PPFIA2: variants seen among roughly 807,000 people sequenced by gnomAD.
The protein encoded by PPFIA2 is liprin-alpha-2.
Under a neutral mutation model 175.5 loss-of-function variants are expected in PPFIA2, and 46 were observed. The ratio of observed to expected loss-of-function variants is 0.26; its 90% CI spans 0.21 to 0.34. The LOEUF is 0.34. Ranked by LOEUF, PPFIA2 falls within the 10% of genes least tolerant of loss-of-function variation. The pLI is 1.00. For missense variants in PPFIA2, 1,179 were observed against 1,506.1 expected, an observed-to-expected ratio of 0.78 and a Z score of 3.60; for synonymous variants, 568 against 511.4, an observed-to-expected ratio of 1.11 and a Z score of -1.49.
At chr12:81,338,452 C>A (rs1009306640) in intron 21 of PPFIA2, among the ~76,000 whole-genome samples, 9 of 151,734 alleles carry the variant, frequency 5.9e-5, no homozygotes, top group Admixed American at 5.3e-4. Context: ...TAAGTAGTAC[C>A]ATTTCAAATG....
chr12:81,706,715 G>C (rs1476617219), intron 3 of PPFIA2, among the ~76,000 whole-genome samples: 1 of 152,134 alleles, frequency 6.6e-6, no homozygotes, highest in Non-Finnish European at 1.5e-5. Flanking sequence ...AGCCCGCATA[G>C]CCAAGACAAT....
At chr12:81,437,769 A>G (rs1217297115) in intron 7 of PPFIA2, among the ~76,000 whole-genome samples, 3 of 152,122 alleles carry the variant, frequency 2.0e-5, no homozygotes, top group Admixed American at 6.5e-5. Flanking sequence ...ATATGAATAC[A>G]CATTTTACGT....
In PPFIA2 at chr12:81,474,712, A is replaced by G. The variant is rs1253259550; in HGVS notation, c.304-16846T>C. On this transcript the variant is annotated intron_variant, in intron 4 of 32. Coordinates refer to ENST00000549396, the MANE Select transcript of PPFIA2 (RefSeq NM_003625.5). Reference sequence around the variant, plus strand: ...AATATAATTATTACTTTTTGACTGTATTCTTTAAAAATCCTGTAATACACT... The same window carrying G: ...AATATAATTATTACTTTTTGACTGTGTTCTTTAAAAATCCTGTAATACACT... Among the ~76,000 whole-genome samples, 4 of 152,192 alleles carry G rather than the reference A, an allele frequency of 2.6e-5. No homozygotes were observed. In the East Asian group the frequency reaches 7.7e-4, roughly 29 times the overall value.
chr12:81,394,630 A>G (rs918794126), intron 8 of PPFIA2, among the ~76,000 whole-genome samples: 26 of 152,108 alleles, frequency 1.7e-4, no homozygotes, highest in Middle Eastern at 3.4e-3. Flanking sequence ...CAGGGAGGGG[A>G]ACATCACACA....
chr12:81,353,190 A>G lies in PPFIA2; in HGVS notation c.1923T>C (p.Ser641=). The G allele has an allele frequency of 1.2e-6, 2 of 1,613,868 alleles. No homozygotes were observed. Among genetic ancestry groups the G allele is most frequent in the Non-Finnish European group, 1.7e-6 (2 of 1,179,822 alleles). Residue 641 remains serine (S), a synonymous_variant, in exon 17 of 33, where the codon AGT becomes AGC. Transcript: ENST00000549396. Reference sequence around the variant, plus strand: ...CTAGCGTCTGGGCATCGGAATGACCACTTGGAGAGAGAAGATCCATTGAGC... The same window carrying G: ...CTAGCGTCTGGGCATCGGAATGACCGCTTGGAGAGAGAAGATCCATTGAGC... ...IFSSMDLLSP[S]GHSDAQTLAM...
At chr12:81,538,231 T>A (rs752415840) in intron 4 of PPFIA2, among the ~76,000 whole-genome samples, 1 of 151,964 alleles carries the variant, frequency 6.6e-6, no homozygotes, top group African/African-American at 2.4e-5. Context: ...ATACATAGCA[T>A]AATTACTGCA....
At chr12:81,409,971 T>G (rs192966366) in intron 7 of PPFIA2, among the ~76,000 whole-genome samples, 1 of 152,204 alleles carries the variant, frequency 6.6e-6, no homozygotes, top group Admixed American at 6.6e-5. Context: ...GGGCTCAATG[T>G]GATAGTTTTG....
chr12:81,317,026 T>A (rs2052528265), intron 22 of PPFIA2, among the ~76,000 whole-genome samples: 1 of 151,620 alleles, frequency 6.6e-6, no homozygotes, highest in South Asian at 2.1e-4. Flanking sequence ...TGAAAAATAT[T>A]AGAGATAACA....
chr12:81,342,536 G>C (rs1027434180), intron 19 of PPFIA2, among the ~76,000 whole-genome samples: 10 of 152,112 alleles, frequency 6.6e-5, no homozygotes, highest in Admixed American at 5.9e-4. Context: ...TAACAGCTTA[G>C]GTAGGTAGGC....
intron 22 of PPFIA2, among the ~76,000 whole-genome samples, chr12:81,321,875 C>T (rs377504595): frequency 1.3e-4 from 20 of 152,262 alleles, no homozygotes; most frequent in African/African-American, 4.3e-4. Context: ...TCTGAAGGGA[C>T]CATCTATCAT....
intron 4 of PPFIA2, among the ~76,000 whole-genome samples, chr12:81,517,745 C>G (rs1304220004): frequency 1.3e-5 from 2 of 152,140 alleles, no homozygotes; most frequent in African/African-American, 4.8e-5. Context: ...CCAAATAACA[C>G]AGAAACGTTG....
At chr12:81,607,940 T>C (rs1245747040) in intron 4 of PPFIA2, among the ~76,000 whole-genome samples, 1 of 152,096 alleles carries the variant, frequency 6.6e-6, no homozygotes, top group Non-Finnish European at 1.5e-5. Context: ...TTGTTAAAGA[T>C]GGCTCTTCTT....
chr12:81,433,499 C>A (rs914194156), intron 7 of PPFIA2, among the ~76,000 whole-genome samples: 5 of 152,162 alleles, frequency 3.3e-5, no homozygotes, highest in African/African-American at 9.7e-5. Flanking sequence ...CTTAATACCT[C>A]ATTTATTTTC....
chr12:81,665,055 G>A (rs1413387001), intron 4 of PPFIA2, among the ~76,000 whole-genome samples: 2 of 151,620 alleles, frequency 1.3e-5, no homozygotes, highest in Non-Finnish European at 2.9e-5. Context: ...GGGCAGGGGG[G>A]AGGGATAGCA....
intron 3 of PPFIA2, among the ~76,000 whole-genome samples, chr12:81,729,697 T>C (rs1209442749): frequency 6.6e-6 from 1 of 151,480 alleles, no homozygotes; most frequent in African/African-American, 2.4e-5. Flanking sequence ...CCTGAGGCCT[T>C]AAAAGTAGCA....
At position 81,754,091 on chromosome 12, in the gene PPFIA2, C is replaced by T. The variant is rs772328431; in HGVS notation, c.131G>A (p.Arg44His). 8.7e-6 allele frequency: 14 copies of T among 1,613,844 alleles called. No individual in the cohort carries two copies. The highest frequency in any genetic ancestry group is 3.3e-5 in the South Asian group (3 of 91,050). ...LMVNMLDERD[R>H]LLDTLRETQE... The stretch of plus-strand genomic sequence containing the variant: ...GGTCTCCCGAAGGGTGTCTAGAAGA[C>T]GATCCCTTTCATCTAGCATATTCAC... The change falls in exon 3 of 33, where the codon CGT (arginine) becomes CAT (histidine). Residue 44 changes from arginine (R) to histidine (H), a missense_variant. Around this residue, in one of 10 missense-constraint regions of PPFIA2, gnomAD observed 128 missense variants for 141.4 expected, o/e 0.91. Coordinates refer to ENST00000549396, the MANE Select transcript of PPFIA2 (RefSeq NM_003625.5).
intron 4 of PPFIA2, among the ~76,000 whole-genome samples, chr12:81,582,211 A>G (rs2074522641): frequency 6.6e-6 from 1 of 151,866 alleles, no homozygotes; most frequent in South Asian, 2.1e-4. Flanking sequence ...CTCACCAGAC[A>G]TGGTGAACAA....
chr12:81,374,514 A>G lies in PPFIA2; in HGVS notation c.1266+120T>C, dbSNP rs890031904. On this transcript the variant is annotated intron_variant, in intron 11 of 32. Coordinates refer to ENST00000549396, the MANE Select transcript of PPFIA2 (RefSeq NM_003625.5). ...AAAAAATTGACTTAATAACAGCTCA[A>G]TATAATAGAGATTAAACTTAATTTT... 32 of 1,212,570 alleles carry G rather than the reference A, an allele frequency of 2.6e-5. No individual in the cohort carries two copies. The African/African-American group carries it at 2.9e-4, about 11-fold the overall frequency. The allele number at this position is 1,212,570 out of a possible 1,614,324, so 75.1% of individuals were successfully genotyped here. A position where few individuals can be genotyped will look rare whatever the true frequency, so the allele number is the denominator to read the frequency against.
intron 3 of PPFIA2, among the ~76,000 whole-genome samples, chr12:81,710,354 C>T (rs894480590): frequency 4.6e-5 from 7 of 151,976 alleles, no homozygotes; most frequent in Non-Finnish European, 8.8e-5. Flanking sequence ...ATACTTATCA[C>T]ACATGTACAT....
Sources: allele counts gnomAD v4.1 joint callset (sites outside exome capture counted in the v4.1 genomes callset), GRCh38; gene constraint gnomAD v4.1.1; regional missense constraint gnomAD v4.1.1; transcripts MANE v1.5; gene names NCBI Gene and HGNC (gene_info 2026-07-23, HGNC 2026-07-21).